The following STPG2 variants were observed in gnomAD, a reference collection of about 807,000 sequenced individuals.
STPG2 encodes sperm-tail PG-rich repeat-containing protein 2.
A neutral mutation model predicts 54.2 loss-of-function variants in STPG2; 56 were observed. The observed-to-expected ratio is 1.03, with a 90% confidence interval of 0.83 to 1.29. The LOEUF (loss-of-function observed/expected upper bound fraction) is 1.29. Among genes scored for constraint, STPG2 ranks in the 50% most tolerant of loss-of-function variants. The pLI is 0.00. For missense variants in STPG2, 596 were observed against 544.9 expected, an observed-to-expected ratio of 1.09 and a Z score of -0.93; for synonymous variants, 200 against 181.8, an observed-to-expected ratio of 1.10 and a Z score of -0.81.
At chr4:97,636,312 T>C (rs973590115) in intron 10 of STPG2, among the ~76,000 whole-genome samples, 2 of 145,690 alleles carry the variant, frequency 1.4e-5, no homozygotes, top group Admixed American at 7.1e-5. Flanking sequence ...AGATACAACA[T>C]ACCAGAATCT....
chr4:97,612,547 C>T (rs140299296), intron 10 of STPG2, among the ~76,000 whole-genome samples: 327 of 152,130 alleles, frequency 2.1e-3, no homozygotes, highest in African/African-American at 7.7e-3. Context: ...GAACGATGAA[C>T]ATATATGGGA....
At chr4:97,892,051 A>G (rs1730791700) in intron 8 of STPG2, among the ~76,000 whole-genome samples, 1 of 151,924 alleles carries the variant, frequency 6.6e-6, no homozygotes, top group Admixed American at 6.6e-5. Context: ...CATAACTTCC[A>G]CTCAGGTATC....
chr4:97,517,109 T>G (rs1731090784), intron 4 of STPG2, among the ~76,000 whole-genome samples: 1 of 151,948 alleles, frequency 6.6e-6, no homozygotes, highest in Admixed American at 6.6e-5. Context: ...CGTTTCACCA[T>G]GTTGGCCAGA....
intron 5 of STPG2, among the ~76,000 whole-genome samples, chr4:98,008,580 G>T (rs1375322993): frequency 1.8e-5 from 1 of 56,278 alleles, no homozygotes; most frequent in Admixed American, 1.9e-4. Flanking sequence ...AAACTCACAG[G>T]TTTTATAAAA....
At chr4:98,029,084 C>G (rs1736515396) in intron 5 of STPG2, among the ~76,000 whole-genome samples, 1 of 151,946 alleles carries the variant, frequency 6.6e-6, no homozygotes, top group Non-Finnish European at 1.5e-5. Context: ...TATATTAAAA[C>G]TTGTTTTATT....
At chr4:98,123,017 G>A (rs1369707985) in intron 3 of STPG2, among the ~76,000 whole-genome samples, 2 of 152,090 alleles carry the variant, frequency 1.3e-5, no homozygotes, top group Non-Finnish European at 2.9e-5. Context: ...ATGGTTGTTT[G>A]TATTTCTGTG....
intron 9 of STPG2, among the ~76,000 whole-genome samples, chr4:97,739,763 A>G (rs993729727): frequency 6.6e-5 from 10 of 152,244 alleles, no homozygotes; most frequent in African/African-American, 2.2e-4. Context: ...AGATGGATTC[A>G]CAGCCAAATT....
chr4:98,117,240 A>T (rs1739546205), intron 3 of STPG2, among the ~76,000 whole-genome samples: 1 of 151,926 alleles, frequency 6.6e-6, no homozygotes, highest in Non-Finnish European at 1.5e-5. Context: ...CTGTTTTTTC[A>T]ACACTTTGAA....
chr4:97,491,015 G>A (rs889905328), intron 4 of STPG2, among the ~76,000 whole-genome samples: 1 of 151,266 alleles, frequency 6.6e-6, no homozygotes, highest in Non-Finnish European at 1.5e-5. Context: ...CAATTTTTTG[G>A]ATTATTTTTT....
At chr4:97,658,975 G>A (rs6830320) in intron 10 of STPG2, among the ~76,000 whole-genome samples, 4,472 of 152,052 alleles carry the variant, frequency 0.029, 202 homozygotes, top group African/African-American at 0.1. Flanking sequence ...TACTTATTTG[G>A]TTAGGCATCT....
At chr4:98,016,281 A>G (rs1735943266) in intron 5 of STPG2, among the ~76,000 whole-genome samples, 1 of 152,112 alleles carries the variant, frequency 6.6e-6, no homozygotes, top group African/African-American at 2.4e-5. Context: ...AGGCTATTTG[A>G]GCTTCATGGA....
At chr4:97,830,313 C>A (rs1222506465) in intron 9 of STPG2, among the ~76,000 whole-genome samples, 1 of 152,068 alleles carries the variant, frequency 6.6e-6, no homozygotes, top group Admixed American at 6.6e-5. Flanking sequence ...CCATTAAAGA[C>A]AATCAAATGC....
intron 4 of STPG2, among the ~76,000 whole-genome samples, chr4:97,479,544 T>G (rs537284739): frequency 6.6e-6 from 1 of 152,078 alleles, no homozygotes; most frequent in African/African-American, 2.4e-5. Context: ...CATTCTATAT[T>G]AAATACTGGA....
At chr4:98,121,781 G>A (rs974749794) in intron 3 of STPG2, among the ~76,000 whole-genome samples, 3 of 151,992 alleles carry the variant, frequency 2.0e-5, no homozygotes, top group Non-Finnish European at 2.9e-5. Flanking sequence ...GAGTGCAGTG[G>A]CATGATCTCG....
chr4:97,882,256 G>C (rs1578651901), intron 8 of STPG2, among the ~76,000 whole-genome samples: 1 of 152,174 alleles, frequency 6.6e-6, no homozygotes. Context: ...TTAAGGGACA[G>C]GGTAGAAAAC....
At chr4:97,810,456 C>T (rs560280571) in intron 9 of STPG2, among the ~76,000 whole-genome samples, 40 of 124,174 alleles carry the variant, frequency 3.2e-4, no homozygotes, top group African/African-American at 1.2e-3. Context: ...GAGTGAGACT[C>T]TGTCTCAAAA....
intron 9 of STPG2, among the ~76,000 whole-genome samples, chr4:97,731,153 G>T (rs1450589120): frequency 6.6e-6 from 1 of 152,134 alleles, no homozygotes; most frequent in Admixed American, 6.6e-5. Context: ...TTTTCAAGTT[G>T]CTGTCATTGA....
intron 3 of STPG2, among the ~76,000 whole-genome samples, chr4:98,119,240 T>A (rs1292596058): frequency 6.6e-6 from 1 of 152,138 alleles, no homozygotes; most frequent in Non-Finnish European, 1.5e-5. Flanking sequence ...AATACCTTGT[T>A]ACTCTTAACA....
At chr4:97,962,748 TTAAA>T (rs1733936515) in intron 7 of STPG2, among the ~76,000 whole-genome samples, 1 of 152,188 alleles carries the variant, frequency 6.6e-6, no homozygotes, top group Non-Finnish European at 1.5e-5. Flanking sequence ...TACAAAGAGT[TTAAA>T]TAACTTGCAC....
Sources: gnomAD v4.1 joint callset for allele counts (sites outside exome capture counted in the v4.1 genomes callset) on GRCh38, gnomAD v4.1.1 for gene constraint, MANE v1.5 for transcripts, NCBI Gene and HGNC (gene_info 2026-07-23, HGNC 2026-07-21) for gene names.